TRPA1: variants seen among roughly 807,000 people sequenced by gnomAD.
The protein encoded by TRPA1 is ankyrin-like with transmembrane domains 1.
TRPA1 carries 129 observed loss-of-function variants against 131.3 expected under a neutral mutation model. That is an observed-to-expected ratio of 0.98 (90% CI 0.85 to 1.14). The LOEUF (loss-of-function observed/expected upper bound fraction) is 1.14, where lower values mean the gene tolerates loss of function less well. TRPA1 is among the 50% of genes most tolerant of loss of function. The pLI is 0.00. For missense variants in TRPA1, 1,304 were observed against 1,354.2 expected (o/e 0.96, Z 0.58); for synonymous variants, 441 against 451.7 (o/e 0.98, Z 0.30).
chr8:72,028,984 G>A (rs1811706235), intron 24 of TRPA1, among the ~76,000 whole-genome samples: 1 of 152,104 alleles, frequency 6.6e-6, no homozygotes, highest in Non-Finnish European at 1.5e-5. Flanking sequence ...AAATATCCTC[G>A]AAGCATCAAA....
At chr8:72,045,433 T>C (rs1052484232) in intron 17 of TRPA1, among the ~76,000 whole-genome samples, 7 of 151,614 alleles carry the variant, frequency 4.6e-5, no homozygotes, top group Non-Finnish European at 1.0e-4. Flanking sequence ...CAGTGCAATA[T>C]GAGAGCTGCA....
chr8:72,069,122 C>CT lies in TRPA1; in HGVS notation c.344dup (p.Phe116ValfsTer29), dbSNP rs1255531319. 6.2e-7 allele frequency: 1 copy of CT among 1,614,098 alleles called. No homozygotes were observed. The highest frequency in any genetic ancestry group is 1.3e-5 in the African/African-American group (1 of 74,922). Reference sequence around the variant, plus strand: ...GGTTTGCTCCTCTGCTGAGAAGAAACTTAACGCTTTCAATTTGGTTTTTTT... The same window carrying CT: ...GGTTTGCTCCTCTGCTGAGAAGAAACTTTAACGCTTTCAATTTGGTTTTTTT... On this transcript the variant is annotated frameshift_variant, in exon 3 of 27. Transcript: ENST00000262209. LOFTEE classifies it high-confidence loss of function.
At position 72,022,448 on chromosome 8, in the gene TRPA1, A is replaced by C. The variant is rs933919902; in HGVS notation, c.*458T>G. 71 of 278,990 alleles carry C rather than the reference A, an allele frequency of 2.5e-4. 1 individual carries two copies. The highest frequency in any genetic ancestry group is 4.1e-5 in the Non-Finnish European group (6 of 145,140). The allele number at this position is 278,990 out of a possible 1,614,324, so 17.3% of individuals were successfully genotyped here. ...CATGAAGCTTTCCAGGAAGCAGCTT[A>C]GGTTAGGTAGACCTCAACCTAATAT... On this transcript the variant is annotated 3_prime_UTR_variant, in exon 27 of 27. Coordinates refer to ENST00000262209, the MANE Select transcript of TRPA1 (RefSeq NM_007332.3).
intron 3 of TRPA1, among the ~76,000 whole-genome samples, chr8:72,068,591 C>T (rs1235842555): frequency 6.6e-6 from 1 of 152,156 alleles, no homozygotes; most frequent in Admixed American, 6.5e-5. Context: ...TTAAATCAGT[C>T]AGGTAAAAGT....
At chr8:72,040,558 C>T (rs147519599) in intron 17 of TRPA1, among the ~76,000 whole-genome samples, 424 of 152,232 alleles carry the variant, frequency 2.8e-3, no homozygotes, top group African/African-American at 0.01. Flanking sequence ...TGCCTTCTCC[C>T]TGGAAAGAGA....
chr8:72,063,673 G>C, intron 4 of TRPA1, 102 bp from the exon 5 acceptor site: 1 of 768,196 alleles, frequency 1.3e-6, no homozygotes, highest in Non-Finnish European at 2.3e-6. Flanking sequence ...ACTATTATAT[G>C]TCTATGTAAA....
intron 2 of TRPA1, among the ~76,000 whole-genome samples, chr8:72,070,374 G>A (rs950710205): frequency 3.3e-5 from 5 of 152,090 alleles, no homozygotes; most frequent in African/African-American, 9.6e-5. Context: ...TCTCTTGACC[G>A]TTCTGTCTGA....
chr8:72,052,876 T>C (rs751657147), intron 13 of TRPA1, 111 bp from the exon 14 acceptor site: 5 of 1,257,668 alleles, frequency 4.0e-6, no homozygotes, highest in Non-Finnish European at 5.7e-6. Flanking sequence ...CCAAAATACA[T>C]AGCACTTAAA....
intron 7 of TRPA1, among the ~76,000 whole-genome samples, chr8:72,061,352 C>T (rs535663840): frequency 1.3e-4 from 20 of 152,176 alleles, no homozygotes; most frequent in African/African-American, 4.6e-4. Flanking sequence ...ACTTCTTTAG[C>T]ACATAGAAAA....
chr8:72,087,533 C>A, the TRPA1 span, among the ~76,000 whole-genome samples: 5,827 of 151,912 alleles, frequency 0.038, 371 homozygotes, highest in African/African-American at 0.13. Flanking sequence ...GCTTATCATT[C>A]ACATTTTTTC....
chr8:72,031,571 C>A (rs1239663256), intron 23 of TRPA1, among the ~76,000 whole-genome samples: 3 of 148,886 alleles, frequency 2.0e-5, no homozygotes, highest in Non-Finnish European at 4.4e-5. Flanking sequence ...GAATGAGATC[C>A]TATCTCAAAA....
chr8:72,033,278 T>C (rs1397744790), intron 23 of TRPA1, among the ~76,000 whole-genome samples: 3 of 152,230 alleles, frequency 2.0e-5, no homozygotes, highest in African/African-American at 4.8e-5. Context: ...TATTTCTTCA[T>C]AGCATTTATC....
intron 1 of TRPA1, 58 bp downstream of exon 1, chr8:72,075,241 C>T: frequency 7.2e-7 from 1 of 1,394,876 alleles, no homozygotes; most frequent in Non-Finnish European, 1.0e-6. Context: ...AAGGAAACCT[C>T]CAGCCGACCC....
At chr8:72,031,287 C>T (rs1278865990) in intron 23 of TRPA1, among the ~76,000 whole-genome samples, 2 of 152,200 alleles carry the variant, frequency 1.3e-5, no homozygotes. Context: ...CCATCAAAAC[C>T]AACCATCTCT....
chr8:72,036,099 C>A (rs1812040503), intron 21 of TRPA1, among the ~76,000 whole-genome samples, 189 bp downstream of exon 21: 1 of 150,504 alleles, frequency 6.6e-6, no homozygotes, highest in Non-Finnish European at 1.5e-5. Context: ...GTGTGAGAAA[C>A]CCTGATCTTC....
intron 4 of TRPA1, among the ~76,000 whole-genome samples, chr8:72,064,600 C>T (rs1183755644): frequency 6.6e-6 from 1 of 151,794 alleles, no homozygotes; most frequent in Non-Finnish European, 1.5e-5. Flanking sequence ...TCTCTAAGTC[C>T]ATCTAGTAAA....
the TRPA1 span, among the ~76,000 whole-genome samples, chr8:72,082,362 C>G: frequency 0.44 from 67,436 of 151,746 alleles, 15,272 homozygotes; most frequent in African/African-American, 0.46. Context: ...TAAACAATTT[C>G]ACATTTTTAA....
At chr8:72,062,720 CTG>C in intron 6 of TRPA1, 77 bp downstream of exon 6, 1 of 1,375,956 alleles carries the variant, frequency 7.3e-7, no homozygotes, top group Non-Finnish European at 1.0e-6. Flanking sequence ...TCTAAATTAA[CTG>C]TAAAAGAGCT....
chr8:72,042,868 A>G (rs1475835318), intron 17 of TRPA1, among the ~76,000 whole-genome samples: 1 of 151,912 alleles, frequency 6.6e-6, no homozygotes, highest in African/African-American at 2.4e-5. Context: ...GAAAAATCAC[A>G]GAAACAAAAA....
Sources: gnomAD v4.1 joint callset for allele counts (sites outside exome capture counted in the v4.1 genomes callset) on GRCh38, gnomAD v4.1.1 for gene constraint, MANE v1.5 for transcripts, NCBI Gene and HGNC (gene_info 2026-07-23, HGNC 2026-07-21) for gene names.